The following AHI1 variants were observed in gnomAD, a reference collection of about 807,000 sequenced individuals.
The protein encoded by AHI1 is Abelson helper integration site 1, also known as jouberin.
A neutral mutation model predicts 149.3 loss-of-function variants in AHI1; 123 were observed. The ratio of observed to expected loss-of-function variants is 0.82; its 90% CI spans 0.71 to 0.96. The LOEUF (loss-of-function observed/expected upper bound fraction) is 0.96. Among genes scored for constraint, AHI1 ranks in the 40% least tolerant of loss-of-function variants. The probability of loss-of-function intolerance (pLI) is 0.00; values close to 1 mark genes in which losing one functional copy is unlikely to be tolerated. For synonymous variants in AHI1, 475 were observed against 459.8 expected, an observed-to-expected ratio of 1.03 and a Z score of -0.42; for missense variants, 1,439 against 1,422.7, an observed-to-expected ratio of 1.01 and a Z score of -0.18.
chr6:135,410,155 C>T (rs187444271), intron 21 of AHI1, among the ~76,000 whole-genome samples: 1 of 152,232 alleles, frequency 6.6e-6, no homozygotes, highest in Non-Finnish European at 1.5e-5. Flanking sequence ...CTGCTTGAGG[C>T]TAGGAGTTGG....
intron 25 of AHI1, among the ~76,000 whole-genome samples, chr6:135,319,019 G>A (rs1786406129): frequency 6.6e-6 from 1 of 152,206 alleles, no homozygotes; most frequent in South Asian, 2.1e-4. Flanking sequence ...AGTCTGGTCA[G>A]AGAAAGACAT....
At position 135,296,067 on chromosome 6, in the gene AHI1, C is replaced by G. The variant is rs184207731; in HGVS notation, c.3485+4433G>C. 1.8e-4 allele frequency among the ~76,000 whole-genome samples: 27 copies of G among 152,240 alleles called. No homozygotes were observed. The East Asian group carries it at 4.8e-3, about 27-fold the overall frequency. ...ACAAAGTTTCACCATGTTGGCCAGG[C>G]TGGTCTCGAACTCCTGACCTCAGAT... is the stretch of plus-strand genomic sequence containing the variant. On this transcript the variant is annotated intron_variant, in intron 27 of 28. Coordinates refer to ENST00000265602, the MANE Select transcript of AHI1 (RefSeq NM_001134831.2).
chr6:135,365,217 A>G (rs1773996075), intron 23 of AHI1, among the ~76,000 whole-genome samples: 1 of 152,162 alleles, frequency 6.6e-6, no homozygotes, highest in African/African-American at 2.4e-5. Context: ...ATAGCTTTAT[A>G]ATATAGTTTG....
At chr6:135,336,476 T>C (rs1337742190) in intron 24 of AHI1, among the ~76,000 whole-genome samples, 1 of 151,982 alleles carries the variant, frequency 6.6e-6, no homozygotes, top group Non-Finnish European at 1.5e-5. Flanking sequence ...TGCATGCCTG[T>C]AGTCCCAGCT....
chr6:135,411,035 C>G (rs1296469263), intron 21 of AHI1, among the ~76,000 whole-genome samples: 1 of 152,130 alleles, frequency 6.6e-6, no homozygotes, highest in Non-Finnish European at 1.5e-5. Context: ...TCTTTCTTTC[C>G]TAGGAGATGG....
At chr6:135,427,025 G>C (rs1357941119) in intron 20 of AHI1, 142 bp downstream of exon 20, 1 of 736,108 alleles carries the variant, frequency 1.4e-6, no homozygotes, top group East Asian at 3.0e-5. Flanking sequence ...AGAAACTTGT[G>C]GCTAGCTTTC....
At position 135,492,945 on chromosome 6, in the gene AHI1, T is replaced by C. The variant is rs17064598; in HGVS notation, c.-54-654A>G. On this transcript the variant is annotated intron_variant, in intron 3 of 28. Coordinates refer to ENST00000265602, the MANE Select transcript of AHI1 (RefSeq NM_001134831.2). ...TATTCTCACATTAGAACATTTAGAA[T>C]GTAATATGCATGTTTTTGAGACTAA... 2,946 of 978,628 alleles carry C rather than the reference T, an allele frequency of 3.0e-3. 74 individuals are homozygous for C. The African/African-American group carries it at 0.048, about 16-fold the overall frequency. The allele number at this position is 978,628 out of a possible 1,614,324, so 60.6% of individuals were successfully genotyped here.
At chr6:135,417,729 C>T (rs1782585518) in intron 20 of AHI1, among the ~76,000 whole-genome samples, 1 of 151,944 alleles carries the variant, frequency 6.6e-6, no homozygotes, top group South Asian at 2.1e-4. Context: ...TTATCTTTAA[C>T]ACCTTTAGTT....
chr6:135,442,229 C>A (rs1786410885), intron 14 of AHI1, among the ~76,000 whole-genome samples: 1 of 152,134 alleles, frequency 6.6e-6, no homozygotes, highest in East Asian at 1.9e-4. Flanking sequence ...TAACTCAAAT[C>A]ATCACTGCTA....
chr6:135,466,406 G>C, intron 6 of AHI1, 33 bp from the exon 7 acceptor site: 1 of 1,551,016 alleles, frequency 6.4e-7, no homozygotes, highest in Non-Finnish European at 8.8e-7. Context: ...CAAAGTTTCA[G>C]TTACACATAG....
chr6:135,430,163 A>G (rs1374226370), intron 17 of AHI1, among the ~76,000 whole-genome samples, 163 bp from the exon 18 acceptor site: 1 of 151,926 alleles, frequency 6.6e-6, no homozygotes, highest in Admixed American at 6.6e-5. Context: ...TAGGGCTGAA[A>G]ATAAAGCTGA....
intron 26 of AHI1, chr6:135,301,245 C>T (rs953542427): frequency 1.0e-6 from 1 of 984,028 alleles, no homozygotes; most frequent in African/African-American, 1.7e-5. Flanking sequence ...GAGATAATCA[C>T]GTTATGGAAA....
chr6:135,430,901 G>A lies in AHI1; in HGVS notation c.2373+307C>T, dbSNP rs183783850. On this transcript the variant is annotated intron_variant, in intron 17 of 28. Coordinates refer to ENST00000265602, the MANE Select transcript of AHI1 (RefSeq NM_001134831.2). The stretch of plus-strand genomic sequence containing the variant: ...TAGGAAATATAAATTATTACTTATC[G>A]ATGGTAATATAACATACATCTCATT... 1.9e-3 allele frequency among the ~76,000 whole-genome samples: 292 copies of A among 151,990 alleles called. 4 individuals carry two copies. Among genetic ancestry groups the A allele is most frequent in the Non-Finnish European group, 3.2e-4 (22 of 67,838 alleles).
intron 27 of AHI1, among the ~76,000 whole-genome samples, chr6:135,290,941 C>CACACACACAA (rs1418590339): frequency 2.4e-4 from 36 of 151,330 alleles, no homozygotes; most frequent in African/African-American, 8.7e-4. Flanking sequence ...CACACACACA[C>CACACACACAA]AAAAGTATAG....
chr6:135,443,493 A>AGC (rs1243958527), intron 13 of AHI1, among the ~76,000 whole-genome samples: 1 of 152,182 alleles, frequency 6.6e-6, no homozygotes, highest in Non-Finnish European at 1.5e-5. Context: ...GTCTTTGAAT[A>AGC]TATTCATCAC....
chr6:135,429,274 C>T (rs980912335), intron 18 of AHI1, among the ~76,000 whole-genome samples: 3 of 151,458 alleles, frequency 2.0e-5, no homozygotes, highest in Non-Finnish European at 1.5e-5. Context: ...TTTTCACTCA[C>T]GAAAAAATAG....
chr6:135,369,651 T>G (rs1562597631), intron 23 of AHI1, among the ~76,000 whole-genome samples: 1 of 152,208 alleles, frequency 6.6e-6, no homozygotes, highest in African/African-American at 2.4e-5. Context: ...GATATGACTC[T>G]TTCTTCTTCC....
chr6:135,454,404 A>T (rs1788600031), intron 10 of AHI1, among the ~76,000 whole-genome samples: 1 of 152,196 alleles, frequency 6.6e-6, no homozygotes, highest in Non-Finnish European at 1.5e-5. Context: ...CCATAAATTT[A>T]ACAAAAATTA....
intron 23 of AHI1, among the ~76,000 whole-genome samples, chr6:135,390,024 T>C (rs1778252095): frequency 6.6e-6 from 1 of 152,212 alleles, no homozygotes; most frequent in South Asian, 2.1e-4. Flanking sequence ...TTTTTTATTT[T>C]ATTTTTTTTA....
Sources: allele counts gnomAD v4.1 joint callset (sites outside exome capture counted in the v4.1 genomes callset), GRCh38; gene constraint gnomAD v4.1.1; transcripts MANE v1.5; gene names NCBI Gene and HGNC (gene_info 2026-07-23, HGNC 2026-07-21).